Variants in VPS13C observed in about 807,000 individuals in gnomAD.
The protein encoded by VPS13C is vacuolar protein sorting 13 homolog C.
Under a neutral mutation model 456.8 loss-of-function variants are expected in VPS13C, and 358 were observed. The ratio of observed to expected loss-of-function variants is 0.78; its 90% CI spans 0.72 to 0.86. The LOEUF (loss-of-function observed/expected upper bound fraction) is 0.86, where lower values mean the gene tolerates loss of function less well. Among genes scored for constraint, VPS13C ranks in the 40% least tolerant of loss-of-function variants. The pLI is 0.00. For missense variants in VPS13C, 4,818 were observed against 4,385.4 expected, an observed-to-expected ratio of 1.10 and a Z score of -2.79; for synonymous variants, 1,578 against 1,486.7, an observed-to-expected ratio of 1.06 and a Z score of -1.41.
At chr15:61,931,026 C>G in intron 50 of VPS13C, 64 bp downstream of exon 50, 1 of 1,582,022 alleles carries the variant, frequency 6.3e-7, no homozygotes, top group Non-Finnish European at 8.6e-7. Context: ...CTAGCAATGC[C>G]TGGCAGCCAT....
At position 61,882,733 on chromosome 15, in the gene VPS13C, T is replaced by A; in HGVS notation, c.9487A>T (p.Asn3163Tyr). The A allele has an allele frequency of 6.3e-7, 1 of 1,587,376 alleles. No homozygotes were observed. Residue 3163 changes from asparagine (N) to tyrosine (Y), a missense_variant, in exon 69 of 85, where the codon AAT becomes TAT. This residue lies in a region of VPS13C where 4,552 missense variants were observed against 4,130.6 expected (regional missense o/e 1.10). Transcript: ENST00000644861. The stretch of plus-strand genomic sequence containing the variant: ...ATTTCCATTGGATCTTTATCAAAAT[T>A]GACCTAGAAAAAAAGCACATGTTTT... ...WIKLDNNFEVNFDKDPMEMRL... is the reference protein window; with the variant it reads ...WIKLDNNFEVYFDKDPMEMRL...
chr15:61,864,733 G>A, intron 81 of VPS13C: 3 of 985,504 alleles, frequency 3.0e-6, no homozygotes, highest in Non-Finnish European at 3.6e-6. Flanking sequence ...GTCTCAGAGA[G>A]GAGTGCAGAT....
chr15:62,008,287 C>A (rs2046921355), intron 14 of VPS13C, among the ~76,000 whole-genome samples: 1 of 151,888 alleles, frequency 6.6e-6, no homozygotes, highest in East Asian at 1.9e-4. Flanking sequence ...GTACCCCCAG[C>A]TACTTGGGAG....
chr15:61,860,736 T>C (rs1894175497), intron 82 of VPS13C, among the ~76,000 whole-genome samples: 1 of 152,032 alleles, frequency 6.6e-6, no homozygotes, highest in African/African-American at 2.4e-5. Flanking sequence ...TTGTACATAG[T>C]TTTCGTAAAA....
At position 61,991,798 on chromosome 15, in the gene VPS13C, A is replaced by C. The variant is rs774732542; in HGVS notation, c.1358T>G (p.Ile453Ser). ...LARQQAQVEV[I>S]RSGQKLRKKS... is the part of the protein sequence containing the mutation. ...TTTCCTTAATTTTTGCCCAGACCGAATCACCTGAAAAATAAAAATTAAAAA... is the reference window on the plus strand; with the variant it reads ...TTTCCTTAATTTTTGCCCAGACCGACTCACCTGAAAAATAAAAATTAAAAA... Residue 453 changes from isoleucine to serine, a missense_variant, in exon 17 of 85, where the codon ATT becomes AGT. Coordinates refer to ENST00000644861, the MANE Select transcript of VPS13C (RefSeq NM_020821.3). The C allele has an allele frequency of 3.7e-6, 6 of 1,609,324 alleles. No individual in the cohort carries two copies. The Admixed American group carries it at 5.0e-5, about 14-fold the overall frequency.
chr15:62,050,780 T>C (rs1447784480), intron 1 of VPS13C, among the ~76,000 whole-genome samples: 1 of 133,582 alleles, frequency 7.5e-6, no homozygotes, highest in Non-Finnish European at 1.5e-5. Flanking sequence ...CCAGCCTCAG[T>C]GACAGCCAGA....
chr15:62,044,031 T>G (rs1256930614), intron 2 of VPS13C, among the ~76,000 whole-genome samples, 181 bp downstream of exon 2: 1 of 152,168 alleles, frequency 6.6e-6, no homozygotes, highest in Non-Finnish European at 1.5e-5. Flanking sequence ...TTTTGATTAT[T>G]AGGGGAAAAA....
Position 61,918,196 on chromosome 15 carries a change from A to C in VPS13C, c.7700T>G (p.Leu2567Trp), listed in dbSNP as rs2043534677. Residue 2567 changes from leucine to tryptophan, a missense_variant, in exon 59 of 85, where the codon TTG becomes TGG. Physicochemically the swap from Leu to Trp is moderately conservative, Grantham distance 61 (BLOSUM62 -2). This residue lies in a region of VPS13C where 4,552 missense variants were observed against 4,130.6 expected (regional missense o/e 1.10). Transcript: ENST00000644861. ...AGGTCTGGCTATCCCAATGCGCTCC[A>C]ATAGCTTAACATTCTTAACAAATTT... Reference protein sequence around the residue: ...IYKFVKNVKLLERIGIARPEE... With the variant: ...IYKFVKNVKLWERIGIARPEE... The C allele has an allele frequency of 1.9e-6, 3 of 1,600,686 alleles. No homozygotes were observed. Among genetic ancestry groups the C allele is most frequent in the Non-Finnish European group, 2.6e-6 (3 of 1,174,994 alleles).
At chr15:61,881,457 A>G in intron 71 of VPS13C, 106 bp downstream of exon 71, 2 of 1,188,440 alleles carry the variant, frequency 1.7e-6, no homozygotes, top group Non-Finnish European at 2.3e-6. Flanking sequence ...GTTCAGCTGG[A>G]AAATACTTTT....
intron 9 of VPS13C, among the ~76,000 whole-genome samples, chr15:62,019,025 T>G (rs12441603): frequency 6.6e-6 from 1 of 151,866 alleles, no homozygotes; most frequent in Non-Finnish European, 1.5e-5. Flanking sequence ...GGAGGGTGTA[T>G]GTGTCGAGGA....
chr15:61,984,719 TA>T, intron 19 of VPS13C, 137 bp downstream of exon 19: 1 of 843,232 alleles, frequency 1.2e-6, no homozygotes. Flanking sequence ...AGAGCAAATA[TA>T]AAAAGGCTAT....
rs201741119 is a variant in VPS13C at position 61,881,840 on chromosome 15, G to A, written c.9625-12C>T. ...AACTGATTATCAACCTGAAAGAAAA[G>A]AAAACGAACTTATCAAGATTTCAAA... On this transcript the variant is annotated splice_polypyrimidine_tract_variant and intron_variant, in intron 69 of 84. Coordinates refer to ENST00000644861, the MANE Select transcript of VPS13C (RefSeq NM_020821.3). The A allele has an allele frequency of 8.3e-6, 13 of 1,573,960 alleles. No homozygotes were observed. The highest frequency in any genetic ancestry group is 2.1e-5 in the Admixed American group (1 of 46,976).
At chr15:61,881,514 G>T (rs1395032944) in intron 71 of VPS13C, 49 bp downstream of exon 71, 5 of 1,504,680 alleles carry the variant, frequency 3.3e-6, no homozygotes, top group Non-Finnish European at 4.5e-6. Context: ...TTTCAAAGTA[G>T]ATTCTCATTT....
At chr15:61,950,466 C>G in intron 40 of VPS13C, 49 bp from the exon 41 acceptor site, 2 of 1,366,640 alleles carry the variant, frequency 1.5e-6, no homozygotes, top group Non-Finnish European at 2.1e-6. Context: ...ACTAAAAATT[C>G]ATACACTGAA....
intron 48 of VPS13C, 93 bp from the exon 49 acceptor site, chr15:61,934,424 C>T (rs1045464883): frequency 1.1e-4 from 65 of 614,010 alleles, no homozygotes; most frequent in East Asian, 3.3e-4. Flanking sequence ...ATTTATATGA[C>T]GCTTTCTGGG....
intron 66 of VPS13C, among the ~76,000 whole-genome samples, chr15:61,896,974 A>G (rs1596305646): frequency 6.6e-6 from 1 of 152,022 alleles, no homozygotes; most frequent in African/African-American, 2.4e-5. Flanking sequence ...ACTGGGAGGC[A>G]CCCCCCAACA....
rs568216014 is a variant in VPS13C, at chr15:62,038,451, T to C, written c.187+2873A>G. 7.2e-5 allele frequency among the ~76,000 whole-genome samples: 11 copies of C among 152,068 alleles called. No individual in the cohort carries two copies. In the South Asian group the frequency reaches 1.9e-3, roughly 26 times the overall value. On this transcript the variant is annotated intron_variant, in intron 3 of 84. Coordinates refer to ENST00000644861, the MANE Select transcript of VPS13C (RefSeq NM_020821.3). ...AAAAAATACAAATATGAGCCAATCA[T>C]GGTGACACACCCGTCGTTTCAGCAA...
At chr15:62,012,291 C>T in intron 11 of VPS13C, 127 bp from the exon 12 acceptor site, 1 of 542,696 alleles carries the variant, frequency 1.8e-6, no homozygotes, top group Non-Finnish European at 3.3e-6. Context: ...CTTTGCTTCT[C>T]TGTTACTAGT....
intron 55 of VPS13C, 149 bp downstream of exon 55, chr15:61,921,798 G>C (rs1596333682): frequency 1.5e-6 from 1 of 655,072 alleles, no homozygotes; most frequent in South Asian, 2.1e-5. Flanking sequence ...GAATGAAAAT[G>C]ACATATGAAA....
Sources: gnomAD v4.1 joint callset for allele counts (sites outside exome capture counted in the v4.1 genomes callset) on GRCh38, gnomAD v4.1.1 for gene constraint, gnomAD v4.1.1 regional missense constraint, MANE v1.5 for transcripts, NCBI Gene and HGNC (gene_info 2026-07-23, HGNC 2026-07-21) for gene names.